SOS1: variants seen among roughly 807,000 people sequenced by gnomAD.
SOS1 encodes SOS Ras/Rac guanine nucleotide exchange factor 1.
In SOS1, 25 loss-of-function variants were observed where a neutral mutation model predicts 157.6. The observed-to-expected ratio is 0.16, with a 90% confidence interval of 0.12 to 0.22. SOS1 has a LOEUF of 0.22. Ranked by LOEUF, SOS1 falls within the 10% of genes least tolerant of loss-of-function variation. The probability of loss-of-function intolerance (pLI) is 1.00; values close to 1 mark genes in which losing one functional copy is unlikely to be tolerated. For synonymous variants in SOS1, 528 were observed against 534.0 expected (o/e 0.99, Z 0.16); for missense variants, 1,237 against 1,599.1 (o/e 0.77, Z 3.86).
chr2:38,990,798 T>C (rs1238669076), intron 20 of SOS1, among the ~76,000 whole-genome samples: 1 of 152,210 alleles, frequency 6.6e-6, no homozygotes, highest in Non-Finnish European at 1.5e-5. Context: ...CTCATGCATT[T>C]GGTAAATTTG....
chr2:39,048,646 C>A (rs919449165), intron 6 of SOS1, among the ~76,000 whole-genome samples: 3 of 152,096 alleles, frequency 2.0e-5, no homozygotes, highest in Non-Finnish European at 4.4e-5. Context: ...AAGCAATCCA[C>A]CTGCCTCAGT....
intron 8 of SOS1, among the ~76,000 whole-genome samples, chr2:39,029,706 G>A (rs1670091056): frequency 6.6e-6 from 1 of 152,146 alleles, no homozygotes; most frequent in Admixed American, 6.5e-5. Context: ...ACAATAGTTA[G>A]CTGTTTGTTT....
At chr2:39,072,106 T>A (rs953317784) in intron 1 of SOS1, among the ~76,000 whole-genome samples, 1 of 152,204 alleles carries the variant, frequency 6.6e-6, no homozygotes, top group East Asian at 1.9e-4. Context: ...TATACAGATA[T>A]GAATCAAATA....
intron 1 of SOS1, among the ~76,000 whole-genome samples, chr2:39,069,415 T>C (rs905682562): frequency 6.6e-6 from 1 of 152,018 alleles, no homozygotes; most frequent in African/African-American, 2.4e-5. Context: ...TACATAATAA[T>C]TTTTTAAAAG....
At chr2:38,989,240 A>C in intron 21 of SOS1, 30 bp downstream of exon 21, 1 of 1,512,478 alleles carries the variant, frequency 6.6e-7, no homozygotes, top group South Asian at 1.1e-5. Context: ...CCAAAGCAAG[A>C]ATTATGAGTC....
chr2:39,064,698 A>G (rs149909905), intron 2 of SOS1, among the ~76,000 whole-genome samples: 1 of 149,716 alleles, frequency 6.7e-6, no homozygotes, highest in Non-Finnish European at 1.5e-5. Flanking sequence ...AGATTTTTAA[A>G]TGTGTATATT....
In SOS1 at chr2:39,006,359, G is replaced by A. The variant is rs7577088; in HGVS notation, c.2791+53C>T. 803,125 of 867,428 alleles carry A rather than the reference G, an allele frequency of 0.93. 372,600 individuals carry two copies. Among genetic ancestry groups the A allele is most frequent in the African/African-American group, 0.97 (59,179 of 60,780 alleles). The allele number at this position is 867,428 out of a possible 1,614,324, so 53.7% of individuals were successfully genotyped here. A position where few individuals can be genotyped will look rare whatever the true frequency, so the allele number is the denominator to read the frequency against. The stretch of plus-strand genomic sequence containing the variant: ...TAATTATTCAGTCATTTAATGAAAT[G>A]AGTGTTTTGTTTTATCCAGAAATGC... On this transcript the variant is annotated intron_variant, in intron 17 of 22. Transcript: ENST00000402219.
At chr2:38,994,466 T>C (rs905296722) in intron 20 of SOS1, among the ~76,000 whole-genome samples, 10 of 152,170 alleles carry the variant, frequency 6.6e-5, no homozygotes, top group East Asian at 1.9e-4. Context: ...ATCTGATACA[T>C]TGCAAAATTA....
chr2:39,039,651 T>C (rs1464752335), intron 6 of SOS1, among the ~76,000 whole-genome samples: 1 of 152,260 alleles, frequency 6.6e-6, no homozygotes, highest in Non-Finnish European at 1.5e-5. Context: ...TTATAGTTTT[T>C]AGAAAAGCTT....
chr2:39,060,837 A>G (rs894730239), intron 2 of SOS1, among the ~76,000 whole-genome samples: 1 of 152,218 alleles, frequency 6.6e-6, no homozygotes, highest in Non-Finnish European at 1.5e-5. Flanking sequence ...ACATAAAAGC[A>G]GTAGAAAAAA....
chr2:39,040,649 A>T (rs1670537133), intron 6 of SOS1, among the ~76,000 whole-genome samples: 1 of 152,212 alleles, frequency 6.6e-6, no homozygotes, highest in Non-Finnish European at 1.5e-5. Flanking sequence ...TGTAGCATGT[A>T]TTGGAATTTT....
chr2:39,092,299 T>C (rs911075922), intron 1 of SOS1, among the ~76,000 whole-genome samples: 1 of 152,116 alleles, frequency 6.6e-6, no homozygotes, highest in Non-Finnish European at 1.5e-5. Flanking sequence ...TGTCTTGATG[T>C]TTCTTGCGCA....
chr2:39,118,010 G>A (rs1385237835), intron 1 of SOS1, among the ~76,000 whole-genome samples: 1 of 152,216 alleles, frequency 6.6e-6, no homozygotes, highest in Admixed American at 6.5e-5. Context: ...AGCACTATAA[G>A]TATGGGGAAT....
At chr2:39,109,517 C>A (rs1337480654) in intron 1 of SOS1, among the ~76,000 whole-genome samples, 1 of 152,200 alleles carries the variant, frequency 6.6e-6, no homozygotes, top group Admixed American at 6.5e-5. Flanking sequence ...TCCTGAGATA[C>A]TTCTTCCTTA....
intron 5 of SOS1, among the ~76,000 whole-genome samples, chr2:39,054,393 T>C (rs1161872660): frequency 6.6e-6 from 1 of 152,238 alleles, no homozygotes; most frequent in Non-Finnish European, 1.5e-5. Flanking sequence ...ATTCTGTGAA[T>C]TCATTTTCAC....
chr2:39,003,976 T>C (rs1306193751), intron 17 of SOS1, among the ~76,000 whole-genome samples: 1 of 151,488 alleles, frequency 6.6e-6, no homozygotes, highest in African/African-American at 2.4e-5. Flanking sequence ...TTAGGACAAT[T>C]AAAAAAAAAT....
chr2:39,014,700 G>T, intron 11 of SOS1, 65 bp downstream of exon 11: 1 of 852,954 alleles, frequency 1.2e-6, no homozygotes, highest in Non-Finnish European at 1.9e-6. Context: ...TTCTGAAAAG[G>T]ATCTTAGCTC....
intron 1 of SOS1, among the ~76,000 whole-genome samples, chr2:39,079,485 G>A (rs1001084598): frequency 1.4e-4 from 16 of 116,598 alleles, no homozygotes; most frequent in East Asian, 7.9e-4. Flanking sequence ...AAAAGTGTTC[G>A]AATTTTTTTT....
At chr2:39,119,221 T>C (rs953016135) in intron 1 of SOS1, among the ~76,000 whole-genome samples, 3 of 152,196 alleles carry the variant, frequency 2.0e-5, no homozygotes, top group African/African-American at 4.8e-5. Context: ...AAAAATTACA[T>C]AGATGTTTGT....
Sources: gnomAD v4.1 joint callset for allele counts (sites outside exome capture counted in the v4.1 genomes callset) on GRCh38, gnomAD v4.1.1 for gene constraint, MANE v1.5 for transcripts, NCBI Gene and HGNC (gene_info 2026-07-23, HGNC 2026-07-21) for gene names.